Variants in MKLN1 observed in about 807,000 individuals in gnomAD.
MKLN1 encodes muskelin.
Under a neutral mutation model 99.0 loss-of-function variants are expected in MKLN1, and 18 were observed. The ratio of observed to expected loss-of-function variants is 0.18; its 90% CI spans 0.13 to 0.27. MKLN1 has a LOEUF of 0.27. Among genes scored for constraint, MKLN1 ranks in the 10% least tolerant of loss-of-function variants. MKLN1 has a pLI of 1.00. For missense variants in MKLN1, 621 were observed against 875.9 expected (o/e 0.71, Z 3.67); for synonymous variants, 288 against 293.2 (o/e 0.98, Z 0.18).
At chr7:131,469,713 C>T (rs1325906879) in intron 15 of MKLN1, among the ~76,000 whole-genome samples, 2 of 152,146 alleles carry the variant, frequency 1.3e-5, no homozygotes, top group African/African-American at 4.8e-5. Context: ...TTTTCCTTGT[C>T]TGTATATTTT....
chr7:131,270,932 T>C (rs1226703206), intron 3 of MKLN1, among the ~76,000 whole-genome samples: 1 of 152,188 alleles, frequency 6.6e-6, no homozygotes, highest in African/African-American at 2.4e-5. Context: ...TAATCATTCA[T>C]TGATTCTTTC....
At chr7:131,141,541 C>G (rs1795733798) in intron 1 of MKLN1, among the ~76,000 whole-genome samples, 1 of 152,232 alleles carries the variant, frequency 6.6e-6, no homozygotes. Context: ...TTTCCAGTCT[C>G]ATCTCTGACC....
chr7:131,254,899 A>AT (rs914073670), intron 3 of MKLN1, among the ~76,000 whole-genome samples: 156 of 146,024 alleles, frequency 1.1e-3, no homozygotes, highest in Middle Eastern at 7.1e-3. Context: ...AATGGCTGAA[A>AT]TTTTTTTTTT....
chr7:131,388,978 A>T lies in MKLN1; in HGVS notation c.400+6A>T, dbSNP rs552297476. 6.3e-7 allele frequency: 1 copy of T among 1,578,870 alleles called. No individual in the cohort carries two copies. The highest frequency in any genetic ancestry group is 2.3e-5 in the East Asian group (1 of 44,276). ...TTGTCGATTCATTAAAATAGGTAAG[A>T]TTTTAGCATTCTGAAATAGAAACAA... On this transcript the variant is annotated splice_donor_region_variant and intron_variant, in intron 4 of 17. Coordinates refer to ENST00000352689, the MANE Select transcript of MKLN1 (RefSeq NM_013255.5).
intron 2 of MKLN1, among the ~76,000 whole-genome samples, chr7:131,168,282 C>A (rs1796164861): frequency 6.6e-6 from 1 of 152,100 alleles, no homozygotes. Flanking sequence ...CATTAGCCTC[C>A]CATGCCTCAT....
chr7:131,487,660 T>G lies in MKLN1; in HGVS notation c.2140T>G (p.Leu714Val). 1 of 1,613,048 alleles carries G rather than the reference T, an allele frequency of 6.2e-7. No homozygotes were observed. The highest frequency in any genetic ancestry group is 8.5e-7 in the Non-Finnish European group (1 of 1,179,348). The part of the protein sequence containing the change: ...YAQRTQLFDT[L>V]VNFFPDSMTP... ...TCAAAGAACTCAGCTCTTTGACACCTTAGTAAATTTCTTTCCTGACAGCAT... is the reference window on the plus strand; with the variant it reads ...TCAAAGAACTCAGCTCTTTGACACCGTAGTAAATTTCTTTCCTGACAGCAT... Residue 714 changes from leucine to valine, a missense_variant, in exon 18 of 18, where the codon TTA becomes GTA. Physicochemically the swap from Leu to Val is conservative, Grantham distance 32. Coordinates refer to ENST00000352689, the MANE Select transcript of MKLN1 (RefSeq NM_013255.5). The surrounding 1 kb of genome is among the most constrained non-coding windows in gnomAD (Gnocchi z 4.7).
At chr7:131,385,946 A>G (rs1019424583) in intron 2 of MKLN1, among the ~76,000 whole-genome samples, 1 of 150,952 alleles carries the variant, frequency 6.6e-6, no homozygotes, top group Non-Finnish European at 1.5e-5. Context: ...ATCCAGAGTC[A>G]TGAAGATTTG....
intron 9 of MKLN1, among the ~76,000 whole-genome samples, chr7:131,429,784 G>A (rs1795470528): frequency 1.3e-5 from 2 of 152,120 alleles, no homozygotes; most frequent in South Asian, 4.1e-4. Flanking sequence ...GTTTCACCAT[G>A]TTAACCAGGA....
intron 1 of MKLN1, among the ~76,000 whole-genome samples, chr7:131,131,333 T>TGCAACTGCATCCAGCCTGGGCGATAAA: frequency 6.6e-6 from 1 of 152,120 alleles, no homozygotes; most frequent in Non-Finnish European, 1.5e-5. Context: ...GCTATGATCA[T>TGCAACTGCATCCAGCCTGGGCGATAAA]GCAACTGCAT....
chr7:131,382,394 C>T (rs1442489938), intron 2 of MKLN1, among the ~76,000 whole-genome samples: 6 of 151,670 alleles, frequency 4.0e-5, no homozygotes, highest in Admixed American at 3.9e-4. Context: ...AATTAATATA[C>T]AAGTCTTTGT....
chr7:131,269,252 T>C (rs765384614), intron 3 of MKLN1, among the ~76,000 whole-genome samples: 6 of 152,234 alleles, frequency 3.9e-5, no homozygotes, highest in Non-Finnish European at 8.8e-5. Flanking sequence ...ATAAACTGGG[T>C]AACTCGTAAA....
At chr7:131,433,401 A>G (rs1311339341) in intron 9 of MKLN1, among the ~76,000 whole-genome samples, 2 of 152,228 alleles carry the variant, frequency 1.3e-5, no homozygotes, top group Non-Finnish European at 1.5e-5. Flanking sequence ...CACTTGGTTA[A>G]GGAGATGCCC....
intron 8 of MKLN1, among the ~76,000 whole-genome samples, chr7:131,421,035 T>G (rs1795175810): frequency 6.6e-6 from 1 of 152,236 alleles, no homozygotes; most frequent in East Asian, 1.9e-4. Context: ...TTTCAGATTC[T>G]ACTTGTTATG....
At chr7:131,292,950 A>C (rs1798243155) in intron 3 of MKLN1, among the ~76,000 whole-genome samples, 1 of 152,250 alleles carries the variant, frequency 6.6e-6, no homozygotes, top group Admixed American at 6.5e-5. Flanking sequence ...ATATCTCCTG[A>C]TATGATGCAG....
intron 1 of MKLN1, among the ~76,000 whole-genome samples, chr7:131,113,459 T>C (rs1795226531): frequency 6.6e-6 from 1 of 152,150 alleles, no homozygotes; most frequent in Non-Finnish European, 1.5e-5. Flanking sequence ...TTTGAACTTA[T>C]TCTAAGGCCA....
chr7:131,145,586 G>T (rs1168925780), intron 2 of MKLN1, among the ~76,000 whole-genome samples: 1 of 152,196 alleles, frequency 6.6e-6, no homozygotes, highest in Non-Finnish European at 1.5e-5. Context: ...GAAATCTGGT[G>T]CACAGAGTTA....
chr7:131,186,009 G>A (rs763910748), intron 2 of MKLN1, among the ~76,000 whole-genome samples: 6 of 151,048 alleles, frequency 4.0e-5, no homozygotes, highest in African/African-American at 1.2e-4. Flanking sequence ...TGGCCAACAT[G>A]GTGAAACCCC....
chr7:131,416,979 CAAAAAAAAAA>C (rs374145180), intron 8 of MKLN1, among the ~76,000 whole-genome samples: 3 of 49,580 alleles, frequency 6.1e-5, no homozygotes, highest in African/African-American at 1.9e-4. Flanking sequence ...GCAACCCTGT[CAAAAAAAAAA>C]AAAAAAAAAA....
intron 3 of MKLN1, among the ~76,000 whole-genome samples, chr7:131,219,135 A>G (rs1797026676): frequency 6.6e-6 from 1 of 152,182 alleles, no homozygotes; most frequent in Admixed American, 6.6e-5. Context: ...ATGGTCCAAC[A>G]ATGTGAACAC....
Sources: gnomAD v4.1 joint callset for allele counts (sites outside exome capture counted in the v4.1 genomes callset) on GRCh38, gnomAD v4.1.1 for gene constraint, Gnocchi (gnomAD v3.1) non-coding constraint, MANE v1.5 for transcripts, NCBI Gene and HGNC (gene_info 2026-07-23, HGNC 2026-07-21) for gene names.